The following PHF21B variants were observed in gnomAD, a reference collection of about 807,000 sequenced individuals.
PHF21B encodes PHD finger protein 4.
In PHF21B, 22 loss-of-function variants were observed where a neutral mutation model predicts 62.2. The ratio of observed to expected loss-of-function variants is 0.35; its 90% CI spans 0.25 to 0.51. The LOEUF is 0.51. PHF21B is among the 20% of genes least tolerant of loss of function. The pLI, the probability that PHF21B is intolerant of heterozygous loss-of-function variation, is 0.97. For missense variants in PHF21B, 701 were observed against 707.9 expected (o/e 0.99, Z 0.11); for synonymous variants, 341 against 314.7 (o/e 1.08, Z -0.88).
chr22:44,984,077 C>CCAT, intron 2 of PHF21B, among the ~76,000 whole-genome samples: 2 of 144,892 alleles, frequency 1.4e-5, no homozygotes, highest in African/African-American at 2.6e-5. Flanking sequence ...ACCATCACCA[C>CCAT]CACCATCACC....
chr22:44,967,039 G>A (rs1317212564), intron 2 of PHF21B: 2 of 152,034 alleles, frequency 1.3e-5, no homozygotes, highest in African/African-American at 2.4e-5. Context: ...AAGAAAACAC[G>A]ATTCTCTTTC....
In PHF21B at chr22:45,009,240, C is replaced by T. The variant is rs569126699; in HGVS notation, c.54+256G>A. 5.7e-5 allele frequency: 29 copies of T among 509,072 alleles called. No individual in the cohort carries two copies. Among genetic ancestry groups the T allele is most frequent in the African/African-American group, 4.9e-4 (24 of 49,044 alleles). The allele number at this position is 509,072 out of a possible 1,614,324, so 31.5% of individuals were successfully genotyped here. A position where few individuals can be genotyped will look rare whatever the true frequency, so the allele number is the denominator to read the frequency against. ...CCTCCCAGTCATGCAGACCCTACAT[C>T]GCTTAAGAGAAGACTCCAGGCTCGG... On this transcript the variant is annotated intron_variant, in intron 1 of 12. Transcript: ENST00000313237. This position sits in a 1 kb window ranked among gnomAD's most constrained non-coding sequence, Gnocchi z 5.9.
intron 1 of PHF21B, chr22:45,008,839 G>T: frequency 8.4e-7 from 1 of 1,183,788 alleles, no homozygotes; most frequent in African/African-American, 1.6e-5. Flanking sequence ...CGGGGCGGGG[G>T]CCGAGGCCAC....
chr22:44,886,293 C>T (rs2070856540), intron 10 of PHF21B, among the ~76,000 whole-genome samples: 2 of 151,094 alleles, frequency 1.3e-5, no homozygotes, highest in African/African-American at 4.9e-5. Flanking sequence ...ACTCGATGTC[C>T]CCCACACTAT....
intron 2 of PHF21B, among the ~76,000 whole-genome samples, chr22:44,959,778 A>C (rs2147413563): frequency 6.6e-6 from 1 of 152,308 alleles, no homozygotes; most frequent in South Asian, 2.1e-4. Flanking sequence ...ACAGGAGGGA[A>C]GATATCCCAG....
chr22:44,911,791 T>C (rs1252435967), intron 5 of PHF21B, among the ~76,000 whole-genome samples: 1 of 152,242 alleles, frequency 6.6e-6, no homozygotes, highest in Non-Finnish European at 1.5e-5. Context: ...ACTGGGGCAC[T>C]GGCTAGTGGA....
chr22:45,005,131 G>C (rs1172802753), intron 2 of PHF21B, among the ~76,000 whole-genome samples: 4 of 152,252 alleles, frequency 2.6e-5, no homozygotes, highest in African/African-American at 9.6e-5. Flanking sequence ...AGGGCTTGTT[G>C]CTTGACAATT....
At chr22:44,992,219 G>A (rs2073052656) in intron 2 of PHF21B, among the ~76,000 whole-genome samples, 1 of 152,222 alleles carries the variant, frequency 6.6e-6, no homozygotes, top group African/African-American at 2.4e-5. Context: ...CCCTGCCAGG[G>A]GAGGACCCTT....
At chr22:44,911,961 A>G (rs2071351409) in intron 5 of PHF21B, among the ~76,000 whole-genome samples, 2 of 152,246 alleles carry the variant, frequency 1.3e-5, no homozygotes, top group African/African-American at 4.8e-5. Flanking sequence ...AGAGCTGCTC[A>G]AGGCTGTGGA....
chr22:44,895,173 C>T (rs2071034896), intron 6 of PHF21B, among the ~76,000 whole-genome samples: 1 of 152,116 alleles, frequency 6.6e-6, no homozygotes, highest in Admixed American at 6.5e-5. Context: ...GCCTGGATTC[C>T]AGCCTGGGCC....
At chr22:44,996,678 A>G (rs1569282064) in intron 2 of PHF21B, among the ~76,000 whole-genome samples, 1 of 151,900 alleles carries the variant, frequency 6.6e-6, no homozygotes, top group Non-Finnish European at 1.5e-5. Flanking sequence ...AGACACACAA[A>G]CACACACACG....
intron 2 of PHF21B, 93 bp downstream of exon 2, chr22:45,008,452 G>A: frequency 6.5e-6 from 8 of 1,221,890 alleles, no homozygotes; most frequent in Non-Finnish European, 8.8e-6. Flanking sequence ...GTCTGAGCGT[G>A]CGTCGCCCAG....
chr22:44,936,444 C>T (rs2071848903), intron 2 of PHF21B, among the ~76,000 whole-genome samples: 1 of 152,212 alleles, frequency 6.6e-6, no homozygotes, highest in Non-Finnish European at 1.5e-5. Flanking sequence ...TGTCCCCAGC[C>T]CCTCTCCTTC....
At position 44,948,124 on chromosome 22, in the gene PHF21B, C is replaced by T. The variant is rs1445053155; in HGVS notation, c.121-27634G>A. 4.0e-5 allele frequency among the ~76,000 whole-genome samples: 6 copies of T among 150,868 alleles called. 1 individual carries two copies. Among genetic ancestry groups the T allele is most frequent in the Admixed American group, 3.3e-4 (5 of 15,122 alleles). ...AGCTCCGTGGAAGATGGTTTTTCCA[C>T]GGACCTGGGAGGGAGATGGTTTTGG... On this transcript the variant is annotated intron_variant, in intron 2 of 12. Coordinates refer to ENST00000313237, the MANE Select transcript of PHF21B (RefSeq NM_138415.5).
chr22:44,984,210 C>T, intron 2 of PHF21B, among the ~76,000 whole-genome samples: 1 of 147,804 alleles, frequency 6.8e-6, no homozygotes, highest in African/African-American at 2.5e-5. Flanking sequence ...CTACCACCAT[C>T]ATCACCACCA....
intron 2 of PHF21B, among the ~76,000 whole-genome samples, chr22:44,958,598 AT>A (rs59943293): frequency 3.9e-3 from 293 of 75,858 alleles, no homozygotes; most frequent in Middle Eastern, 0.023. Flanking sequence ...CCTTCCTTTG[AT>A]TTTTTTTTTT....
chr22:44,967,364 G>A (rs1175201535), intron 2 of PHF21B, among the ~76,000 whole-genome samples: 1 of 151,860 alleles, frequency 6.6e-6, no homozygotes, highest in Non-Finnish European at 1.5e-5. Context: ...GGGACTACAG[G>A]TGCCCATCAC....
At chr22:44,980,784 G>A (rs554668317) in intron 2 of PHF21B, among the ~76,000 whole-genome samples, 93 of 152,198 alleles carry the variant, frequency 6.1e-4, no homozygotes, top group African/African-American at 2.0e-3. Flanking sequence ...TCCTCTGCCC[G>A]CCCCAGGAAG....
intron 2 of PHF21B, chr22:45,001,951 T>A (rs1212852872): frequency 1.3e-5 from 2 of 152,362 alleles, no homozygotes; most frequent in East Asian, 1.9e-4. Context: ...AAACTTGTAC[T>A]GCCATTTTCC....
Sources: gnomAD v4.1 joint callset for allele counts (sites outside exome capture counted in the v4.1 genomes callset) on GRCh38, gnomAD v4.1.1 for gene constraint, Gnocchi (gnomAD v3.1) non-coding constraint, MANE v1.5 for transcripts, NCBI Gene and HGNC (gene_info 2026-07-23, HGNC 2026-07-21) for gene names.